Variants in SLC24A2 observed in about 807,000 individuals in gnomAD.
SLC24A2 encodes the protein sodium/potassium/calcium exchanger 2.
In SLC24A2, 36 loss-of-function variants were observed where a neutral mutation model predicts 62.0. The observed-to-expected ratio is 0.58, with a 90% CI of 0.44 to 0.77. SLC24A2 has a LOEUF of 0.77. Among genes scored for constraint, SLC24A2 ranks in the 30% least tolerant of loss-of-function variants. The pLI is 0.00. For synonymous variants in SLC24A2, 358 were observed against 294.0 expected, an observed-to-expected ratio of 1.22 and a Z score of -2.23; for missense variants, 846 against 817.9, an observed-to-expected ratio of 1.03 and a Z score of -0.42.
At chr9:19,995,535 G>T in the SLC24A2 span, among the ~76,000 whole-genome samples, 2 of 152,110 alleles carry the variant, frequency 1.3e-5, no homozygotes, top group African/African-American at 4.8e-5. Context: ...TAGATATTTT[G>T]AGCCAACTCC....
At chr9:19,807,411 C>G in the SLC24A2 span, among the ~76,000 whole-genome samples, 1 of 152,198 alleles carries the variant, frequency 6.6e-6, no homozygotes, top group Non-Finnish European at 1.5e-5. Flanking sequence ...TTGCTTTTCT[C>G]ACATCCTTTA....
chr9:20,182,438 T>C, the SLC24A2 span, among the ~76,000 whole-genome samples: 2 of 152,194 alleles, frequency 1.3e-5, no homozygotes, highest in Admixed American at 6.5e-5. Context: ...ATATACACCA[T>C]GGAATACTAT....
the SLC24A2 span, among the ~76,000 whole-genome samples, chr9:19,893,370 C>T: frequency 1.3e-5 from 2 of 152,156 alleles, no homozygotes; most frequent in Non-Finnish European, 2.9e-5. Context: ...CATATAGTTC[C>T]TGGGAAGGCT....
At chr9:20,143,295 C>A in the SLC24A2 span, among the ~76,000 whole-genome samples, 4 of 152,116 alleles carry the variant, frequency 2.6e-5, no homozygotes, top group Non-Finnish European at 4.4e-5. Context: ...TGCCAACTCC[C>A]AATCTTGGGC....
Position 19,516,085 on chromosome 9 carries a change from C to T in SLC24A2, c.*68G>A. 1 of 1,602,588 alleles carries T rather than the reference C, an allele frequency of 6.2e-7. No homozygotes were observed. The highest frequency in any genetic ancestry group is 8.5e-7 in the Non-Finnish European group (1 of 1,170,456). On this transcript the variant is annotated 3_prime_UTR_variant, in exon 11 of 11. Coordinates refer to ENST00000341998, the MANE Select transcript of SLC24A2 (RefSeq NM_020344.4). ...TGCCAGCTGCCTCTTCTCAAGAGGT[C>T]AAGGAGCCCAGAGCCCAGAGTGTGG...
At chr9:19,856,344 C>T in the SLC24A2 span, among the ~76,000 whole-genome samples, 1 of 152,116 alleles carries the variant, frequency 6.6e-6, no homozygotes, top group African/African-American at 2.4e-5. Context: ...GAGTTACGAT[C>T]ATTTGGAGAA....
chr9:20,083,492 T>G, the SLC24A2 span, among the ~76,000 whole-genome samples: 1 of 152,188 alleles, frequency 6.6e-6, no homozygotes, highest in Admixed American at 6.5e-5. Context: ...ATAACCATGG[T>G]GAAGGATTTC....
chr9:19,676,541 C>A (rs536590957), intron 2 of SLC24A2, among the ~76,000 whole-genome samples: 1 of 152,222 alleles, frequency 6.6e-6, no homozygotes, highest in South Asian at 2.1e-4. Context: ...TTTTTTCCCA[C>A]AATGGAGGCA....
At chr9:19,566,877 G>T (rs1365147446) in intron 7 of SLC24A2, among the ~76,000 whole-genome samples, 1 of 151,192 alleles carries the variant, frequency 6.6e-6, no homozygotes, top group African/African-American at 2.4e-5. Flanking sequence ...ACCAAACACA[G>T]CATGTTCTCA....
At chr9:19,719,006 A>G (rs1039642824) in intron 2 of SLC24A2, among the ~76,000 whole-genome samples, 1 of 152,220 alleles carries the variant, frequency 6.6e-6, no homozygotes, top group Admixed American at 6.5e-5. Flanking sequence ...GAATATTAGA[A>G]GAAAGCAATC....
At chr9:19,636,368 T>TTCC (rs1818346927) in intron 2 of SLC24A2, among the ~76,000 whole-genome samples, 1 of 35,290 alleles carries the variant, frequency 2.8e-5, no homozygotes, top group African/African-American at 1.3e-4. Flanking sequence ...TCTTTCTTTC[T>TTCC]TTCTTTCTTT....
At chr9:19,677,546 G>A (rs976092406) in intron 2 of SLC24A2, among the ~76,000 whole-genome samples, 41 of 152,168 alleles carry the variant, frequency 2.7e-4, no homozygotes, top group African/African-American at 9.9e-4. Context: ...AAGGTTTCCT[G>A]TATAACAAAC....
the SLC24A2 span, among the ~76,000 whole-genome samples, chr9:20,037,215 A>G: frequency 2.6e-4 from 39 of 152,240 alleles, no homozygotes; most frequent in Non-Finnish European, 4.9e-4. Flanking sequence ...TAAATCATCT[A>G]TAGATTACTT....
chr9:19,803,572 C>T, the SLC24A2 span, among the ~76,000 whole-genome samples: 2 of 151,944 alleles, frequency 1.3e-5, no homozygotes, highest in African/African-American at 4.8e-5. Context: ...TTTAAGTAAC[C>T]ATATTCAATC....
At chr9:20,236,727 T>C in the SLC24A2 span, among the ~76,000 whole-genome samples, 3 of 152,148 alleles carry the variant, frequency 2.0e-5, no homozygotes, top group African/African-American at 7.2e-5. Context: ...TTCTGTTGCA[T>C]AAAATCAGCC....
intron 2 of SLC24A2, among the ~76,000 whole-genome samples, chr9:19,687,468 C>G (rs1819917141): frequency 6.6e-6 from 1 of 151,982 alleles, no homozygotes; most frequent in Non-Finnish European, 1.5e-5. Context: ...CAGACAAATT[C>G]CTTTGTCCAT....
the SLC24A2 span, among the ~76,000 whole-genome samples, chr9:19,822,801 G>A: frequency 6.6e-6 from 1 of 152,240 alleles, no homozygotes; most frequent in Non-Finnish European, 1.5e-5. Flanking sequence ...ACTAGTCAGA[G>A]GAAAGGTATC....
At chr9:19,914,413 C>T in the SLC24A2 span, among the ~76,000 whole-genome samples, 1 of 152,080 alleles carries the variant, frequency 6.6e-6, no homozygotes, top group East Asian at 1.9e-4. Flanking sequence ...GGTCCAAATT[C>T]CTCTCAATTG....
the SLC24A2 span, among the ~76,000 whole-genome samples, chr9:20,190,602 A>G: frequency 1.3e-5 from 2 of 152,210 alleles, no homozygotes; most frequent in Non-Finnish European, 2.9e-5. Context: ...CAGAAAGGTT[A>G]AATAATTTCT....
Sources: gnomAD v4.1 joint callset for allele counts (sites outside exome capture counted in the v4.1 genomes callset) on GRCh38, gnomAD v4.1.1 for gene constraint, MANE v1.5 for transcripts, NCBI Gene and HGNC (gene_info 2026-07-23, HGNC 2026-07-21) for gene names.